TAF1C: variants seen among roughly 807,000 people sequenced by gnomAD.
TAF1C encodes the protein TATA-box binding protein associated factor, RNA polymerase I subunit C, also known as TATA box-binding protein-associated factor RNA polymerase I subunit C.
Under a neutral mutation model 70.5 loss-of-function variants are expected in TAF1C, and 79 were observed. The ratio of observed to expected loss-of-function variants is 1.12; its 90% CI spans 0.93 to 1.35. The LOEUF is 1.35. TAF1C is among the 40% of genes most tolerant of loss of function. The pLI is 0.00. For synonymous variants in TAF1C, 614 were observed against 491.1 expected (o/e 1.25, Z -3.31); for missense variants, 1,412 against 1,127.8 (o/e 1.25, Z -3.61).
rs1426309103 is a variant in TAF1C, at chr16:84,183,083, G to T, written c.475C>A (p.Pro159Thr). ...TTCTCATCAGCCACTTGCCCCCAGG[G>T]CTGGTGTCCACCGAGGTCCTGGAGC... ...KLLQDLGGHQ[P>T]WGCPWAYLSN... The change falls in exon 6 of 15, where the codon CCC becomes ACC. Residue 159 changes from proline to threonine, a missense_variant. Physicochemically the swap from Pro to Thr is conservative, Grantham distance 38 (BLOSUM62 -1). Coordinates refer to ENST00000566732, the MANE Select transcript of TAF1C (RefSeq NM_001243156.2). 2.5e-6 allele frequency: 4 copies of T among 1,613,952 alleles called. No homozygotes were observed. The African/African-American group carries it at 5.3e-5, about 22-fold the overall frequency.
At position 84,179,492 on chromosome 16, in the gene TAF1C, C is replaced by A; in HGVS notation, c.1981G>T (p.Ala661Ser). Residue 661 changes from alanine (A) to serine (S), a missense_variant, in exon 15 of 15, where the codon GCC becomes TCC. Physicochemically the swap from Ala to Ser is moderately conservative, Grantham distance 99 (BLOSUM62 1). Transcript: ENST00000566732. ...QRLGVLRKAM[A>S]RGQLLLQRDL... ...CTCTGCAGCAGGAGCTGCCCTCGGG[C>A]CATGGCCTTGCGGAGCACACCCAGC... 2 of 1,601,178 alleles carry A rather than the reference C, an allele frequency of 1.2e-6. No homozygotes were observed. Among genetic ancestry groups the A allele is most frequent in the Non-Finnish European group, 1.7e-6 (2 of 1,176,228 alleles).
At position 84,178,457 on chromosome 16, in the gene TAF1C, G is replaced by A. The variant is rs2088870677; in HGVS notation, c.*484C>T. The A allele has an allele frequency of 2.2e-6, 1 of 459,030 alleles. No homozygotes were observed. Among genetic ancestry groups the A allele is most frequent in the Non-Finnish European group, 4.4e-6 (1 of 228,966 alleles). The allele number at this position is 459,030 out of a possible 1,614,324, so 28.4% of individuals were successfully genotyped here. Reference sequence around the variant, plus strand: ...TCCCTGTAGGAAACATCAGACCGGGGCAGAGATTGACAAAGCAACCCACAA... The same window carrying A: ...TCCCTGTAGGAAACATCAGACCGGGACAGAGATTGACAAAGCAACCCACAA... On this transcript the variant is annotated 3_prime_UTR_variant, in exon 15 of 15. Coordinates refer to ENST00000566732, the MANE Select transcript of TAF1C (RefSeq NM_001243156.2).
rs370866661 is a variant in TAF1C, at chr16:84,179,296, C to T, written c.2177G>A (p.Arg726His). Residue 726 changes from arginine (R) to histidine (H), a missense_variant, in exon 15 of 15, where the codon CGC becomes CAC. Coordinates refer to ENST00000566732, the MANE Select transcript of TAF1C (RefSeq NM_001243156.2). ...AAAGCTGCTGGACAGCTGGGTCCGGCGCTTGGGCCGCCTGGTCTGTCTCCC... is the reference window on the plus strand; with the variant it reads ...AAAGCTGCTGGACAGCTGGGTCCGGTGCTTGGGCCGCCTGGTCTGTCTCCC... ...EPGRQTRRPKRRTQLSSSFSL... is the reference protein window; with the variant it reads ...EPGRQTRRPKHRTQLSSSFSL... 61 of 1,594,218 alleles carry T rather than the reference C, an allele frequency of 3.8e-5. No homozygotes were observed. The highest frequency in any genetic ancestry group is 2.1e-4 in the South Asian group (19 of 89,886).
chr16:84,180,759 C>G (rs1027111899), intron 12 of TAF1C: 1 of 1,294,410 alleles, frequency 7.7e-7, no homozygotes, highest in African/African-American at 1.5e-5. Context: ...CAGAAACTCT[C>G]CAGCTCTGCA....
chr16:84,178,600 G>T lies in TAF1C; in HGVS notation c.*341C>A. On this transcript the variant is annotated 3_prime_UTR_variant, in exon 15 of 15. Coordinates refer to ENST00000566732, the MANE Select transcript of TAF1C (RefSeq NM_001243156.2). ...GGCCCCCATTCCACTGGACAGGAAG[G>T]CGTGAGAACTGAGGGACCTGCCTGA... 2.4e-6 allele frequency: 1 copy of T among 424,942 alleles called. No individual in the cohort carries two copies. Among genetic ancestry groups the T allele is most frequent in the Non-Finnish European group, 4.5e-6 (1 of 222,394 alleles). 26.3% of individuals were successfully genotyped at this position (424,942 alleles called of 1,614,324 possible).
In TAF1C at chr16:84,179,099, A is replaced by G; in HGVS notation, c.2374T>C (p.Tyr792His). Reference protein sequence around the residue: ...PSEQRQMLRDYMAKLPPQRDT... With the variant: ...PSEQRQMLRDHMAKLPPQRDT... ...CTCTGGGGTGGTAGCTTGGCCATGT[A>G]GTCACGGAGCATCTGCCGCTGCTCT... Residue 792 changes from tyrosine to histidine, a missense_variant, in exon 15 of 15, where the codon TAC (tyrosine) becomes CAC (histidine). By Grantham distance (83) the Tyr-to-His change is moderately conservative (BLOSUM62 2). Coordinates refer to ENST00000566732, the MANE Select transcript of TAF1C (RefSeq NM_001243156.2). 6 of 1,609,848 alleles carry G rather than the reference A, an allele frequency of 3.7e-6. No individual in the cohort carries two copies. The highest frequency in any genetic ancestry group is 5.1e-6 in the Non-Finnish European group (6 of 1,178,652).
intron 10 of TAF1C, 38 bp downstream of exon 10, chr16:84,181,554 T>A: frequency 6.2e-7 from 1 of 1,613,452 alleles, no homozygotes; most frequent in South Asian, 1.1e-5. Flanking sequence ...CGGAGTTCAG[T>A]TCGTTAGGGT....
In TAF1C at chr16:84,181,123, C is replaced by T. The variant is rs1216607842; in HGVS notation, c.1228G>A (p.Glu410Lys). The T allele has an allele frequency of 1.2e-6, 2 of 1,613,166 alleles. No individual in the cohort carries two copies. Residue 410 changes from glutamate (E) to lysine (K), a missense_variant, in exon 12 of 15, where the codon GAA becomes AAA. By Grantham distance (56) the Glu-to-Lys change is moderately conservative. Transcript: ENST00000566732. ...AGGTACTGGGTAAGCAGGACACGTT[C>T]CCCTTTCTGGCACGAAGCCTCTGCC... Reference protein sequence around the residue: ...LGAEASCQKGERVLLTQYLGH... With the variant: ...LGAEASCQKGKRVLLTQYLGH...
In TAF1C at chr16:84,179,003, G is replaced by C. The variant is rs769274638; in HGVS notation, c.2470C>G (p.Gln824Glu). The change falls in exon 15 of 15, where the codon CAG (glutamine) becomes GAG (glutamate). Residue 824 changes from glutamine (Q) to glutamate (E), a missense_variant. Physicochemically the swap from Gln to Glu is conservative, Grantham distance 29. Transcript: ENST00000566732. Reference protein sequence around the residue: ...ASSVRATRSQQHTPVLSSSQP... With the variant: ...ASSVRATRSQEHTPVLSSSQP... ...GAGCTAGAGAGGACGGGTGTGTGCT[G>C]CTGGGAGCGAGTGGCCCGGACGCTG... is the stretch of plus-strand genomic sequence containing the variant. 1 of 1,610,736 alleles carries C rather than the reference G, an allele frequency of 6.2e-7. No individual in the cohort carries two copies. Among genetic ancestry groups the C allele is most frequent in the Admixed American group, 1.7e-5 (1 of 60,008 alleles).
intron 2 of TAF1C, among the ~76,000 whole-genome samples, chr16:84,184,373 G>C (rs745492687): frequency 5.3e-5 from 8 of 152,062 alleles, no homozygotes; most frequent in Non-Finnish European, 1.0e-4. Flanking sequence ...TCCCAGACAG[G>C]GTGTTTCCAA....
At chr16:84,186,587 G>A (rs539900659) in intron 1 of TAF1C, among the ~76,000 whole-genome samples, 2 of 152,290 alleles carry the variant, frequency 1.3e-5, no homozygotes, top group East Asian at 3.9e-4. Context: ...TTTTCTCTTG[G>A]AACCGCATAG....
chr16:84,185,956 T>G (rs1249961044), intron 1 of TAF1C, among the ~76,000 whole-genome samples: 1 of 152,132 alleles, frequency 6.6e-6, no homozygotes, highest in African/African-American at 2.4e-5. Flanking sequence ...TCTAGAAGTA[T>G]GAGCAGCCAT....
In TAF1C at chr16:84,180,093, G is replaced by A; in HGVS notation, c.1484-10C>T. ...ACCGACGCCCCTTCTCCTGAGGAAG[G>A]ACAGACAGCTGAGGCCCTGTCCAGG... On this transcript the variant is annotated splice_polypyrimidine_tract_variant and intron_variant, in intron 13 of 14. Coordinates refer to ENST00000566732, the MANE Select transcript of TAF1C (RefSeq NM_001243156.2). 6.3e-7 allele frequency: 1 copy of A among 1,588,766 alleles called. No individual in the cohort carries two copies.
In TAF1C at chr16:84,181,583, C is replaced by T. The variant is rs986761057; in HGVS notation, c.1028+9G>A. The stretch of plus-strand genomic sequence containing the variant: ...TTAGGGTGGGGGGTTTCACAGGAAG[C>T]GGCGATACCCATCCTCAGGGCTCCA... On this transcript the variant is annotated intron_variant, in intron 10 of 14. Transcript: ENST00000566732. 4.1e-5 allele frequency: 66 copies of T among 1,613,764 alleles called. No individual in the cohort carries two copies. The highest frequency in any genetic ancestry group is 1.5e-4 in the Admixed American group (9 of 59,976).
Position 84,184,914 on chromosome 16 carries a change from G to C in TAF1C, c.75C>G (p.Leu25=). Residue 25 remains leucine (L), a synonymous_variant, in exon 2 of 15, where the codon CTC becomes CTG. Transcript: ENST00000566732. ...GPLGLSDVPD[L]SFMCSWRDAL... is the part of the protein sequence containing the mutation. ...CGTCTCGCCAGCTGCACATGAAAGA[G>C]AGGTCAGGGACGTCGCTCAGACCAA... is the stretch of plus-strand genomic sequence containing the variant. 2 of 1,613,672 alleles carry C rather than the reference G, an allele frequency of 1.2e-6. No homozygotes were observed. Among genetic ancestry groups the C allele is most frequent in the Non-Finnish European group, 1.7e-6 (2 of 1,179,850 alleles).
rs759464456 is a variant in TAF1C, at chr16:84,182,475, T to C, written c.483-35A>G. 1.3e-5 allele frequency: 20 copies of C among 1,573,122 alleles called. No homozygotes were observed. Among genetic ancestry groups the C allele is most frequent in the Non-Finnish European group, 1.6e-5 (19 of 1,161,960 alleles). ...AGAGAACAGCAGGAGGATCACTCGG[T>C]GGCACTCAGGGGAGGACAGGTCCCA... On this transcript the variant is annotated intron_variant, in intron 6 of 14. Coordinates refer to ENST00000566732, the MANE Select transcript of TAF1C (RefSeq NM_001243156.2). This position sits in a 1 kb window ranked among gnomAD's most constrained non-coding sequence, Gnocchi z 5.0.
rs1322433939 is a variant in TAF1C, at chr16:84,182,168, C to T, written c.721+34G>A. On this transcript the variant is annotated intron_variant, in intron 7 of 14. Transcript: ENST00000566732. This position sits in a 1 kb window ranked among gnomAD's most constrained non-coding sequence, Gnocchi z 5.0. ...AGCACCTCCTCTACCAGAGGCGAGC[C>T]CGCTGGAATCTCCTGTCTCGCAAGA... 5.0e-6 allele frequency: 8 copies of T among 1,595,900 alleles called. No individual in the cohort carries two copies. Among genetic ancestry groups the T allele is most frequent in the Non-Finnish European group, 6.0e-6 (7 of 1,169,284 alleles).
At chr16:84,183,842 A>C in intron 2 of TAF1C, 64 bp from the exon 3 acceptor site, 2 of 1,261,774 alleles carry the variant, frequency 1.6e-6, no homozygotes, top group Non-Finnish European at 2.3e-6. Context: ...CAGGCTGTGC[A>C]CAGGCATTCA....
Position 84,181,456 on chromosome 16 carries a change from G to A in TAF1C, c.1036C>T (p.Gln346Ter). Reference sequence around the variant, plus strand: ...AGGGTCTCAGGGTCCCTGTAGATTTGCCGCAGCCTTGGGGAGACAGGCAAG... The same window carrying A: ...AGGGTCTCAGGGTCCCTGTAGATTTACCGCAGCCTTGGGGAGACAGGCAAG... ...CLWSPEDGLR[Q>*]IYRDPETLVF... The change falls in exon 11 of 15, where the codon CAA becomes TAA. Residue 346 changes from glutamine to a stop codon, truncating the protein, a stop_gained. Coordinates refer to ENST00000566732, the MANE Select transcript of TAF1C (RefSeq NM_001243156.2). LOFTEE classifies it high-confidence loss of function. 6.2e-7 allele frequency: 1 copy of A among 1,613,746 alleles called. No homozygotes were observed. Among genetic ancestry groups the A allele is most frequent in the Non-Finnish European group, 8.5e-7 (1 of 1,179,978 alleles).
Sources: gnomAD v4.1 joint callset for allele counts (sites outside exome capture counted in the v4.1 genomes callset) on GRCh38, gnomAD v4.1.1 for gene constraint, Gnocchi (gnomAD v3.1) non-coding constraint, MANE v1.5 for transcripts, NCBI Gene and HGNC (gene_info 2026-07-23, HGNC 2026-07-21) for gene names.